Variants in COPZ2 observed in about 807,000 individuals in gnomAD.
COPZ2 encodes the protein coatomer subunit zeta-2.
COPZ2 carries 30 observed loss-of-function variants against 33.2 expected under a neutral mutation model. That is an observed-to-expected ratio of 0.90 (90% CI 0.68 to 1.23). The LOEUF is 1.23. COPZ2 is among the 50% of genes most tolerant of loss of function. COPZ2 has a pLI of 0.00. For synonymous variants in COPZ2, 89 were observed against 102.6 expected (o/e 0.87, Z 0.80); for missense variants, 263 against 262.4 (o/e 1.00, Z -0.02).
At chr17:48,039,251 G>A (rs1348675511), upstream of COPZ2, among the ~76,000 whole-genome samples, 1 of 151,930 alleles carries the variant, frequency 6.6e-6, no homozygotes, top group Non-Finnish European at 1.5e-5. Flanking sequence ...TGGGCAGAAG[G>A]CTTGAGCCCA....
At chr17:48,031,108 A>C (rs545937530) in intron 6 of COPZ2, among the ~76,000 whole-genome samples, 6 of 152,300 alleles carry the variant, frequency 3.9e-5, no homozygotes, top group Admixed American at 1.3e-4. Flanking sequence ...CTGTTTCCTA[A>C]TGTATAAAAT....
At chr17:48,035,134 T>C (rs2036960437) in intron 2 of COPZ2, among the ~76,000 whole-genome samples, 1 of 152,206 alleles carries the variant, frequency 6.6e-6, no homozygotes, top group South Asian at 2.1e-4. Context: ...ATCCCATAAC[T>C]AAATTAATGT....
upstream of COPZ2, among the ~76,000 whole-genome samples, chr17:48,041,351 G>A (rs189722565): frequency 1.1e-4 from 17 of 152,240 alleles, no homozygotes; most frequent in Admixed American, 2.0e-4. Flanking sequence ...CAAATAAATG[G>A]GAAAAGTAGA....
Position 48,032,758 on chromosome 17 carries a change from C to CG in COPZ2, c.361-18dup. ...GAGCATCAGCTGGGATGGGCAGATA[C>CG]GGGAGGAGGAAAAGGAGAGTTTGAG... On this transcript the variant is annotated splice_polypyrimidine_tract_variant and intron_variant, in intron 4 of 8. Coordinates refer to ENST00000621465, the MANE Select transcript of COPZ2 (RefSeq NM_016429.4). 5.7e-6 allele frequency: 9 copies of CG among 1,581,188 alleles called. No individual in the cohort carries two copies. Among genetic ancestry groups the CG allele is most frequent in the Non-Finnish European group, 7.7e-6 (9 of 1,162,486 alleles).
In COPZ2 at chr17:48,037,008, A is replaced by G; in HGVS notation, c.112-83T>C. 1 of 1,238,370 alleles carries G rather than the reference A, an allele frequency of 8.1e-7. No homozygotes were observed. Among genetic ancestry groups the G allele is most frequent in the Non-Finnish European group, 1.2e-6 (1 of 843,308 alleles). 76.7% of individuals were successfully genotyped at this position (1,238,370 alleles called of 1,614,324 possible). On this transcript the variant is annotated intron_variant, in intron 1 of 8. Transcript: ENST00000621465. The surrounding 1 kb of genome is among the most constrained non-coding windows in gnomAD (Gnocchi z 5.6). ...CTATGGGATCTGCTGGCCCTAGGAT[A>G]CATCCTCAGGCCCCAGCAACCCCAG...
At chr17:48,033,173 G>C (rs2036919659) in intron 4 of COPZ2, 38 bp downstream of exon 4, 10 of 1,368,274 alleles carry the variant, frequency 7.3e-6, no homozygotes, top group Non-Finnish European at 1.0e-5. Context: ...TTTCCCCATA[G>C]ACAGACCCTT....
chr17:48,029,921 T>C (rs1446478722), intron 6 of COPZ2, among the ~76,000 whole-genome samples: 1 of 151,584 alleles, frequency 6.6e-6, no homozygotes. Flanking sequence ...TGAGCCAAGA[T>C]TGCGCCACTG....
upstream of COPZ2, among the ~76,000 whole-genome samples, chr17:48,039,166 T>C (rs1358444358): frequency 6.6e-6 from 1 of 151,988 alleles, no homozygotes; most frequent in African/African-American, 2.4e-5. Context: ...ATTTTTTTTA[T>C]TTTTGTAGAA....
At chr17:48,040,750 G>A (rs1379805411), upstream of COPZ2, among the ~76,000 whole-genome samples, 1 of 151,702 alleles carries the variant, frequency 6.6e-6, no homozygotes, top group African/African-American at 2.4e-5. Context: ...TATTTAATAA[G>A]CATTTGTGAA....
chr17:48,037,262 CT>C lies in COPZ2; in HGVS notation c.112-338del. On this transcript the variant is annotated intron_variant, in intron 1 of 8. Transcript: ENST00000621465. This position sits in a 1 kb window ranked among gnomAD's most constrained non-coding sequence, Gnocchi z 5.6. ...CGGGGGGGACAGCGGGCCGAGCCTC[CT>C]TCTTCCAGCTGATCCCTGGCCGGGC... 1 of 560,348 alleles carries C rather than the reference CT, an allele frequency of 1.8e-6. No individual in the cohort carries two copies. The highest frequency in any genetic ancestry group is 3.5e-6 in the Non-Finnish European group (1 of 288,494). 34.7% of individuals were successfully genotyped at this position (560,348 alleles called of 1,614,324 possible).
upstream of COPZ2, among the ~76,000 whole-genome samples, chr17:48,038,277 A>AT (rs970581506): frequency 1.3e-5 from 2 of 152,044 alleles, no homozygotes; most frequent in Non-Finnish European, 2.9e-5. Context: ...AGGCTTTCTC[A>AT]TTCCTCTCTC....
In COPZ2 at chr17:48,033,388, C is replaced by G. The variant is rs1598261876; in HGVS notation, c.269-86G>C. The G allele has an allele frequency of 3.9e-6, 3 of 772,496 alleles. No homozygotes were observed. The East Asian group carries it at 8.0e-5, about 21-fold the overall frequency. The allele number at this position is 772,496 out of a possible 1,614,324, so 47.9% of individuals were successfully genotyped here. ...TCCTCATGTATGACTCTGTGACTCTCCTATTTCCTTCTCCCCTTTCTGGAG... is the reference window on the plus strand; with the variant it reads ...TCCTCATGTATGACTCTGTGACTCTGCTATTTCCTTCTCCCCTTTCTGGAG... On this transcript the variant is annotated intron_variant, in intron 3 of 8. Coordinates refer to ENST00000621465, the MANE Select transcript of COPZ2 (RefSeq NM_016429.4).
chr17:48,037,725 G>C lies in COPZ2; in HGVS notation c.53C>G (p.Ala18Gly). 3 of 1,063,166 alleles carry C rather than the reference G, an allele frequency of 2.8e-6. No homozygotes were observed. Among genetic ancestry groups the C allele is most frequent in the Non-Finnish European group, 2.3e-6 (2 of 883,920 alleles). The allele number at this position is 1,063,166 out of a possible 1,614,324, so 65.9% of individuals were successfully genotyped here. Residue 18 changes from alanine (A) to glycine (G), a missense_variant, in exon 1 of 9, where the codon GCG becomes GGG. Ala to Gly is a moderately conservative substitution (Grantham distance 60, BLOSUM62 0). Transcript: ENST00000621465. This position sits in a 1 kb window ranked among gnomAD's most constrained non-coding sequence, Gnocchi z 5.6. The part of the protein sequence containing the change: ...PRPHPGEGAA[A>G]AQAGGPAPPA... ...CGGCGCCGGGCCCCCGGCCTGGGCC[G>C]CCGCGGCCCCCTCCCCCGGGTGCGG...
upstream of COPZ2, among the ~76,000 whole-genome samples, chr17:48,042,861 C>T (rs2037075058): frequency 6.6e-6 from 1 of 152,224 alleles, no homozygotes; most frequent in South Asian, 2.1e-4. Context: ...TAACCCCTCC[C>T]CAAACTCCTT....
chr17:48,036,955 C>T (rs779085692), intron 1 of COPZ2, 30 bp from the exon 2 acceptor site: 2 of 1,595,974 alleles, frequency 1.3e-6, no homozygotes, highest in South Asian at 1.1e-5. Flanking sequence ...TTCCGTTTGG[C>T]CCCTGACTCG....
In COPZ2 at chr17:48,032,251, CT is replaced by C. The variant is rs777116794; in HGVS notation, c.417-19del. The C allele has an allele frequency of 5.0e-6, 8 of 1,605,818 alleles. No homozygotes were observed. Among genetic ancestry groups the C allele is most frequent in the Admixed American group, 3.4e-5 (2 of 58,954 alleles). ...CGTTCTTCCTGAAGGTGGACACAAG[CT>C]CCTGAGCCTCCCTGTGGCTGGGAGG... On this transcript the variant is annotated intron_variant, in intron 5 of 8. Coordinates refer to ENST00000621465, the MANE Select transcript of COPZ2 (RefSeq NM_016429.4).
chr17:48,030,265 C>T (rs574457918), intron 6 of COPZ2, among the ~76,000 whole-genome samples: 114 of 145,008 alleles, frequency 7.9e-4, no homozygotes, highest in Middle Eastern at 3.5e-3. Context: ...CCAGCCTGGG[C>T]GACAGAGTGA....
upstream of COPZ2, among the ~76,000 whole-genome samples, chr17:48,038,827 C>T (rs568327898): frequency 2.0e-5 from 3 of 152,236 alleles, no homozygotes; most frequent in Non-Finnish European, 2.9e-5. Flanking sequence ...ATCAAGTCTT[C>T]TTATCTTCAA....
upstream of COPZ2, among the ~76,000 whole-genome samples, chr17:48,040,234 G>T (rs1209062160): frequency 6.7e-6 from 1 of 150,368 alleles, no homozygotes; most frequent in African/African-American, 2.4e-5. Context: ...ACCATGCCTG[G>T]TTATTTATTA....
Sources: gnomAD v4.1 joint callset for allele counts (sites outside exome capture counted in the v4.1 genomes callset) on GRCh38, gnomAD v4.1.1 for gene constraint, Gnocchi (gnomAD v3.1) non-coding constraint, MANE v1.5 for transcripts, NCBI Gene and HGNC (gene_info 2026-07-23, HGNC 2026-07-21) for gene names.